ARL15: variants seen among roughly 807,000 people sequenced by gnomAD.
ARL15 encodes the protein ARF like GTPase 15.
In ARL15, 19 loss-of-function variants were observed where a neutral mutation model predicts 25.2. The observed-to-expected ratio is 0.75, with a 90% CI of 0.53 to 1.10. The LOEUF (loss-of-function observed/expected upper bound fraction) is 1.10. Ranked by LOEUF, ARL15 falls within the 50% of genes least tolerant of loss-of-function variation. The probability of loss-of-function intolerance (pLI) is 0.00; values close to 1 mark genes in which losing one functional copy is unlikely to be tolerated. For missense variants in ARL15, 220 were observed against 246.0 expected, an observed-to-expected ratio of 0.89 and a Z score of 0.71; for synonymous variants, 94 against 86.8, an observed-to-expected ratio of 1.08 and a Z score of -0.46.
At chr5:53,886,932 G>C (rs538104072) in intron 4 of ARL15, among the ~76,000 whole-genome samples, 1 of 152,228 alleles carries the variant, frequency 6.6e-6, no homozygotes, top group East Asian at 1.9e-4. Context: ...AATGATCTGC[G>C]TGCAAGCCAC....
intron 4 of ARL15, among the ~76,000 whole-genome samples, chr5:54,046,717 T>C (rs1197087199): frequency 6.6e-6 from 1 of 152,172 alleles, no homozygotes; most frequent in Non-Finnish European, 1.5e-5. Context: ...GCAATGGAAT[T>C]GACTTTATTG....
chr5:54,120,346 TCA>T (rs1237168509), intron 3 of ARL15, among the ~76,000 whole-genome samples: 1 of 152,228 alleles, frequency 6.6e-6, no homozygotes, highest in Non-Finnish European at 1.5e-5. Context: ...TAGGCCTTTC[TCA>T]GAGTCCTGTC....
chr5:53,917,851 G>A (rs1356888210), intron 4 of ARL15, among the ~76,000 whole-genome samples: 2 of 129,040 alleles, frequency 1.5e-5, no homozygotes, highest in Admixed American at 1.5e-4. Context: ...TTATGAGTCT[G>A]CCAGGAATAC....
rs1190191336 is a variant in ARL15 at position 54,114,417 on chromosome 5, A to AAAAAAAAAAAAT, written c.254-1008_254-1007insATTTTTTTTTTT. On this transcript the variant is annotated intron_variant, in intron 3 of 4. Transcript: ENST00000504924. ...AGGCTCCATCTCAAGAAAAAAAAAA[A>AAAAAAAAAAAAT]AAAAAGCAACACCACATGGAGAGTC... Among the ~76,000 whole-genome samples, 223 of 149,066 alleles carry AAAAAAAAAAAAT rather than the reference A, an allele frequency of 1.5e-3. 7 individuals are homozygous for AAAAAAAAAAAAT. The highest frequency in any genetic ancestry group is 2.5e-3 in the Admixed American group (38 of 14,946).
chr5:54,123,112 C>CT (rs564304323), intron 3 of ARL15, among the ~76,000 whole-genome samples: 375 of 142,100 alleles, frequency 2.6e-3, no homozygotes, highest in South Asian at 7.4e-3. Flanking sequence ...TTTTATATTC[C>CT]TTTTTTTTTT....
At chr5:53,981,152 A>C (rs1748104499) in intron 4 of ARL15, among the ~76,000 whole-genome samples, 1 of 152,182 alleles carries the variant, frequency 6.6e-6, no homozygotes, top group Admixed American at 6.5e-5. Context: ...ATTTCAAGAA[A>C]CTGAAGATAT....
rs1035777291 is a variant in ARL15, at chr5:53,884,507, C to G, written c.*2054G>C. 1 of 151,980 alleles carries G rather than the reference C, an allele frequency of 6.6e-6. No homozygotes were observed. Among genetic ancestry groups the G allele is most frequent in the African/African-American group, 2.4e-5 (1 of 41,368 alleles). 9.4% of individuals were successfully genotyped at this position (151,980 alleles called of 1,614,324 possible). ...AGACAGCGAGCTCCGACCTGCTAGACAAAGAGGGAGCCTTATTGACAGTTG... is the reference window on the plus strand; with the variant it reads ...AGACAGCGAGCTCCGACCTGCTAGAGAAAGAGGGAGCCTTATTGACAGTTG... On this transcript the variant is annotated 3_prime_UTR_variant, in exon 5 of 5. Transcript: ENST00000504924.
chr5:54,138,246 G>A (rs968306911), intron 3 of ARL15, among the ~76,000 whole-genome samples: 2 of 152,178 alleles, frequency 1.3e-5, no homozygotes, highest in East Asian at 3.9e-4. Flanking sequence ...GGGAGGCCAA[G>A]GTGGGAGAAT....
chr5:54,125,543 T>C lies in ARL15; in HGVS notation c.254-12133A>G, dbSNP rs563837515. ...GATGAATAATATTCCATTGCATGGA[T>C]ATACCACACTGTTTATCTGTTCACC... On this transcript the variant is annotated intron_variant, in intron 3 of 4. Coordinates refer to ENST00000504924, the MANE Select transcript of ARL15 (RefSeq NM_019087.3). Among the ~76,000 whole-genome samples the C allele has an allele frequency of 2.0e-5, 3 of 152,350 alleles. No individual in the cohort carries two copies. The South Asian group carries it at 6.2e-4, about 32-fold the overall frequency.
chr5:54,032,587 C>T lies in ARL15; in HGVS notation c.462+80615G>A, dbSNP rs148685909. Among the ~76,000 whole-genome samples, 1,055 of 138,920 alleles carry T rather than the reference C, an allele frequency of 7.6e-3. 16 individuals are homozygous for T. Among genetic ancestry groups the T allele is most frequent in the African/African-American group, 0.03 (1,017 of 33,870 alleles). 91.1% of individuals were successfully genotyped at this position (138,920 alleles called of 152,430 possible). The stretch of plus-strand genomic sequence containing the variant: ...TCTATGTTGAGAACATATTACATGC[C>T]AGGTACAATGACAAAAAAAAAAATG... On this transcript the variant is annotated intron_variant, in intron 4 of 4. Coordinates refer to ENST00000504924, the MANE Select transcript of ARL15 (RefSeq NM_019087.3).
At chr5:53,977,254 G>A (rs913846491) in intron 4 of ARL15, among the ~76,000 whole-genome samples, 3 of 151,638 alleles carry the variant, frequency 2.0e-5, no homozygotes, top group African/African-American at 7.3e-5. Context: ...CTACTCGGAG[G>A]CTGAGGCAGG....
intron 1 of ARL15, among the ~76,000 whole-genome samples, chr5:54,230,346 G>GA (rs137882615): frequency 0.013 from 1,230 of 91,808 alleles, 16 homozygotes; most frequent in African/African-American, 0.041. Context: ...TTCCATCTCA[G>GA]AAAAAAAAAA....
intron 1 of ARL15, among the ~76,000 whole-genome samples, chr5:54,237,396 T>C (rs1007696674): frequency 2.6e-5 from 4 of 152,282 alleles, no homozygotes; most frequent in Admixed American, 1.3e-4. Flanking sequence ...AATGGACTAA[T>C]ACAACTTCCC....
chr5:53,992,828 A>AGGCG (rs1158315804), intron 4 of ARL15, among the ~76,000 whole-genome samples: 5 of 118,904 alleles, frequency 4.2e-5, no homozygotes, highest in African/African-American at 1.6e-4. Context: ...TGGGAGGCCG[A>AGGCG]GGTGGGTCGG....
chr5:54,112,257 T>C (rs994677800), intron 4 of ARL15, among the ~76,000 whole-genome samples: 2 of 152,178 alleles, frequency 1.3e-5, no homozygotes, highest in African/African-American at 4.8e-5. Flanking sequence ...ATTATTCTCA[T>C]TTTAGAGGTG....
At chr5:54,281,242 C>A (rs530223257) in intron 1 of ARL15, among the ~76,000 whole-genome samples, 1 of 152,044 alleles carries the variant, frequency 6.6e-6, no homozygotes, top group African/African-American at 2.4e-5. Flanking sequence ...TGGGTTCAAG[C>A]GATTCTCCTG....
At chr5:54,016,242 CT>C (rs1385123675) in intron 4 of ARL15, among the ~76,000 whole-genome samples, 1 of 152,112 alleles carries the variant, frequency 6.6e-6, no homozygotes, top group Non-Finnish European at 1.5e-5. Context: ...ATATAATTTG[CT>C]TCCTTTGAAT....
intron 4 of ARL15, among the ~76,000 whole-genome samples, chr5:53,906,331 G>A (rs1745249567): frequency 6.6e-6 from 1 of 152,114 alleles, no homozygotes; most frequent in Non-Finnish European, 1.5e-5. Flanking sequence ...GCAGGGCTTG[G>A]ATCAGTAACA....
At chr5:54,199,128 T>G (rs1480686707) in intron 1 of ARL15, among the ~76,000 whole-genome samples, 5 of 152,208 alleles carry the variant, frequency 3.3e-5, no homozygotes, top group South Asian at 2.1e-4. Flanking sequence ...CTTCCTTACA[T>G]CTTATACAAA....
Sources: gnomAD v4.1 joint callset for allele counts (sites outside exome capture counted in the v4.1 genomes callset) on GRCh38, gnomAD v4.1.1 for gene constraint, MANE v1.5 for transcripts, NCBI Gene and HGNC (gene_info 2026-07-23, HGNC 2026-07-21) for gene names.